Variants in ROBO2 observed in about 807,000 individuals in gnomAD.
ROBO2 encodes the protein roundabout guidance receptor 2.
ROBO2 carries 53 observed loss-of-function variants against 160.8 expected under a neutral mutation model. That is an observed-to-expected ratio of 0.33 (90% confidence interval 0.26 to 0.41). The LOEUF (loss-of-function observed/expected upper bound fraction) is 0.41. ROBO2 is among the 10% of genes least tolerant of loss of function. The pLI, the probability that ROBO2 is intolerant of heterozygous loss-of-function variation, is 1.00. For synonymous variants in ROBO2, 664 were observed against 611.7 expected, an observed-to-expected ratio of 1.09 and a Z score of -1.26; for missense variants, 1,577 against 1,722.4, an observed-to-expected ratio of 0.92 and a Z score of 1.49.
chr3:77,194,543 A>G (rs1178694056), intron 2 of ROBO2, among the ~76,000 whole-genome samples: 1 of 152,188 alleles, frequency 6.6e-6, no homozygotes, highest in Non-Finnish European at 1.5e-5. Context: ...CAACTCAACA[A>G]GTTGAATTCA....
At chr3:77,617,964 A>G (rs2094818300) in intron 22 of ROBO2, 191 bp downstream of exon 23, 8 of 607,820 alleles carry the variant, frequency 1.3e-5, no homozygotes, top group Non-Finnish European at 2.3e-5. Flanking sequence ...TAGAACTAGA[A>G]CTAGAACTAG....
At chr3:77,475,993 T>C (rs1449647576) in intron 2 of ROBO2, among the ~76,000 whole-genome samples, 1 of 152,210 alleles carries the variant, frequency 6.6e-6, no homozygotes, top group Non-Finnish European at 1.5e-5. Flanking sequence ...CAATTTGTGC[T>C]GAATTATTTC....
At chr3:77,415,815 C>T (rs756341604) in intron 2 of ROBO2, among the ~76,000 whole-genome samples, 2 of 152,048 alleles carry the variant, frequency 1.3e-5, no homozygotes, top group African/African-American at 4.8e-5. Flanking sequence ...CAGGTTTGAG[C>T]CCCCAAGAAA....
intron 2 of ROBO2, among the ~76,000 whole-genome samples, chr3:76,599,870 TC>T (rs1444590097): frequency 6.6e-6 from 1 of 152,204 alleles, no homozygotes; most frequent in Non-Finnish European, 1.5e-5. Flanking sequence ...TCTGTTAATG[TC>T]CTTTCCCGCT....
chr3:76,565,731 G>C (rs923272677), intron 2 of ROBO2, among the ~76,000 whole-genome samples: 7 of 152,146 alleles, frequency 4.6e-5, no homozygotes, highest in African/African-American at 1.4e-4. Flanking sequence ...TCAATGAAAG[G>C]AGGAAGTTGT....
intron 12 of ROBO2, among the ~76,000 whole-genome samples, chr3:77,567,718 C>A (rs546144500): frequency 1.3e-5 from 2 of 152,108 alleles, no homozygotes; most frequent in African/African-American, 4.8e-5. Flanking sequence ...AGTATCTTTG[C>A]AAATTTGAGG....
intron 2 of ROBO2, among the ~76,000 whole-genome samples, chr3:76,352,435 A>T (rs936600823): frequency 1.3e-5 from 2 of 152,018 alleles, no homozygotes; most frequent in Non-Finnish European, 2.9e-5. Flanking sequence ...CCAGCTTCAG[A>T]TTAGATCAAA....
At chr3:76,276,467 A>G (rs992964328) in intron 2 of ROBO2, among the ~76,000 whole-genome samples, 10 of 152,084 alleles carry the variant, frequency 6.6e-5, no homozygotes, top group African/African-American at 2.4e-4. Flanking sequence ...TAGAACTTCT[A>G]TCAAACTGAG....
intron 2 of ROBO2, among the ~76,000 whole-genome samples, chr3:76,475,852 C>T (rs1014119311): frequency 5.3e-5 from 8 of 152,140 alleles, no homozygotes; most frequent in Non-Finnish European, 1.0e-4. Flanking sequence ...CCACATGATG[C>T]TTTTGTCAAC....
At chr3:76,890,794 GC>G in intron 2 of ROBO2, among the ~76,000 whole-genome samples, 1 of 152,098 alleles carries the variant, frequency 6.6e-6, no homozygotes, top group East Asian at 1.9e-4. Context: ...CAATTTTGTA[GC>G]TGCCTTTCTA....
In ROBO2 at chr3:77,632,411, T is replaced by C. The variant is rs75492895; in HGVS notation, c.3761-2459T>C. ...ACAACTTACTTGCTCATTAGTATAG[T>C]GTGTACAAGCAGATGAGATTTTCAA... is the stretch of plus-strand genomic sequence containing the variant. On this transcript the variant is annotated intron_variant, in intron 23 of 25. Coordinates refer to ENST00000461745, the Ensembl canonical transcript of ROBO2. 1,127 of 1,228,306 alleles carry C rather than the reference T, an allele frequency of 9.2e-4. 11 individuals carry two copies. The African/African-American group carries it at 0.016, about 17-fold the overall frequency. 76.1% of individuals were successfully genotyped at this position (1,228,306 alleles called of 1,614,324 possible). A position where few individuals can be genotyped will look rare whatever the true frequency, so the allele number is the denominator to read the frequency against.
At chr3:76,651,375 C>G (rs904871910) in intron 2 of ROBO2, among the ~76,000 whole-genome samples, 13 of 152,080 alleles carry the variant, frequency 8.5e-5, no homozygotes, top group African/African-American at 3.1e-4. Flanking sequence ...AGGCTCATGC[C>G]CTCCTCCTAG....
intron 2 of ROBO2, among the ~76,000 whole-genome samples, chr3:76,828,346 G>T (rs901952196): frequency 1.3e-5 from 2 of 151,864 alleles, no homozygotes; most frequent in Admixed American, 1.3e-4. Flanking sequence ...ATTTTAATCA[G>T]TTAATTGATT....
At chr3:76,609,580 C>A (rs890157004) in intron 2 of ROBO2, among the ~76,000 whole-genome samples, 2 of 151,966 alleles carry the variant, frequency 1.3e-5, no homozygotes, top group East Asian at 3.9e-4. Context: ...TATCCTGCAA[C>A]TTTACTGAAT....
intron 2 of ROBO2, among the ~76,000 whole-genome samples, chr3:76,576,514 T>C (rs1046544493): frequency 6.6e-6 from 1 of 152,102 alleles, no homozygotes; most frequent in Non-Finnish European, 1.5e-5. Context: ...GTAGACCCCA[T>C]ATCACTGGTG....
chr3:77,617,738 A>G, exon 22 of ROBO2: 1 of 1,613,878 alleles, frequency 6.2e-7, no homozygotes, highest in Non-Finnish European at 8.5e-7. Flanking sequence ...ATGAGTTGAC[A>G]AGAGCCTATC....
chr3:76,325,431 C>T (rs1209637939), intron 2 of ROBO2, among the ~76,000 whole-genome samples: 2 of 152,060 alleles, frequency 1.3e-5, no homozygotes, highest in African/African-American at 4.8e-5. Flanking sequence ...AGCATTATTC[C>T]TCAATACTTC....
At chr3:77,288,849 T>A (rs755494953) in intron 2 of ROBO2, among the ~76,000 whole-genome samples, 25 of 152,156 alleles carry the variant, frequency 1.6e-4, no homozygotes, top group Non-Finnish European at 3.2e-4. Context: ...TGTATTATAG[T>A]ATCATGGAGA....
chr3:77,302,539 T>C (rs2062751820), intron 2 of ROBO2, among the ~76,000 whole-genome samples: 1 of 152,142 alleles, frequency 6.6e-6, no homozygotes, highest in South Asian at 2.1e-4. Context: ...TTCTGTATAA[T>C]TAATATGCGT....
Sources: allele counts gnomAD v4.1 joint callset (sites outside exome capture counted in the v4.1 genomes callset), GRCh38; gene constraint gnomAD v4.1.1; transcripts MANE v1.5; gene names NCBI Gene and HGNC (gene_info 2026-07-23, HGNC 2026-07-21).